DUSP22: variants seen among roughly 807,000 people sequenced by gnomAD.
DUSP22 encodes the protein dual specificity protein phosphatase 22.
In DUSP22, 24 loss-of-function variants were observed where a neutral mutation model predicts 24.5. The ratio of observed to expected loss-of-function variants is 0.98; its 90% CI spans 0.71 to 1.38. The LOEUF (loss-of-function observed/expected upper bound fraction) is 1.38. Among genes scored for constraint, DUSP22 ranks in the 40% most tolerant of loss-of-function variants. The pLI, the probability that DUSP22 is intolerant of heterozygous loss-of-function variation, is 0.00. For missense variants in DUSP22, 330 were observed against 269.2 expected (o/e 1.23, Z -1.58); for synonymous variants, 160 against 106.4 (o/e 1.50, Z -3.10).
chr6:350,500 A>T lies in DUSP22; in HGVS notation c.*1549A>T. On this transcript the variant is annotated 3_prime_UTR_variant, in exon 7 of 7. Coordinates refer to ENST00000419235, the MANE Select transcript of DUSP22 (RefSeq NM_001286555.3). ...AATAAGAAGAGCAGTTTTCCTGTGC[A>T]TATAGAGGGTGTGTCAAAGGTGAGC... 1 of 1,265,018 alleles carries T rather than the reference A, an allele frequency of 7.9e-7. No homozygotes were observed. Among genetic ancestry groups the T allele is most frequent in the Non-Finnish European group, 1.0e-6 (1 of 1,000,630 alleles). 78.4% of individuals were successfully genotyped at this position (1,265,018 alleles called of 1,614,324 possible). A position where few individuals can be genotyped will look rare whatever the true frequency, so the allele number is the denominator to read the frequency against.
chr6:309,980 A>C (rs1757998861), intron 2 of DUSP22, among the ~76,000 whole-genome samples: 1 of 152,288 alleles, frequency 6.6e-6, no homozygotes, highest in Non-Finnish European at 1.5e-5. Context: ...GTTTTGCTTG[A>C]GATAGACTCT....
Position 350,509 on chromosome 6 carries a change from G to A in DUSP22, c.*1558G>A. On this transcript the variant is annotated 3_prime_UTR_variant, in exon 7 of 7. Transcript: ENST00000419235. ...AGCAGTTTTCCTGTGCATATAGAGG[G>A]TGTGTCAAAGGTGAGCTTTTTGGGG... The A allele has an allele frequency of 7.7e-7, 1 of 1,292,082 alleles. No homozygotes were observed. The highest frequency in any genetic ancestry group is 3.6e-5 in the Admixed American group (1 of 28,086). The allele number at this position is 1,292,082 out of a possible 1,614,324, so 80.0% of individuals were successfully genotyped here.
intron 1 of DUSP22, among the ~76,000 whole-genome samples, chr6:299,811 G>A (rs1339382959): frequency 4.6e-5 from 7 of 152,304 alleles, no homozygotes; most frequent in Non-Finnish European, 7.3e-5. Context: ...AGGTGTGGCC[G>A]GGCACCGTTT....
intron 3 of DUSP22, among the ~76,000 whole-genome samples, chr6:322,673 G>A (rs1189358301): frequency 6.6e-6 from 1 of 152,300 alleles, no homozygotes; most frequent in Non-Finnish European, 1.5e-5. Flanking sequence ...GAATATCCGT[G>A]GAGAGCATCC....
chr6:308,756 C>T (rs1284672460), intron 2 of DUSP22, among the ~76,000 whole-genome samples: 1 of 152,302 alleles, frequency 6.6e-6, no homozygotes, highest in East Asian at 1.9e-4. Context: ...GAATCATATA[C>T]TTGATCAGGG....
At chr6:325,162 T>C (rs1758801171) in intron 3 of DUSP22, 1 of 204,992 alleles carries the variant, frequency 4.9e-6, no homozygotes, top group Non-Finnish European at 9.7e-6. Context: ...CGTCCTGGTG[T>C]GTGCAGTGCT....
At chr6:346,542 T>G (rs1347690908) in intron 5 of DUSP22, among the ~76,000 whole-genome samples, 2 of 152,300 alleles carry the variant, frequency 1.3e-5, no homozygotes, top group African/African-American at 4.8e-5. Context: ...CATAGAGAGT[T>G]CTTAGTGAAA....
At chr6:348,734 G>C in intron 6 of DUSP22, 35 bp from the exon 7 acceptor site, 1 of 1,613,696 alleles carries the variant, frequency 6.2e-7, no homozygotes, top group Non-Finnish European at 8.5e-7. Context: ...GTGCACATGT[G>C]TGTGACGTTT....
chr6:350,359 C>T lies in DUSP22; in HGVS notation c.*1408C>T. On this transcript the variant is annotated 3_prime_UTR_variant, in exon 7 of 7. Coordinates refer to ENST00000419235, the MANE Select transcript of DUSP22 (RefSeq NM_001286555.3). ...CAATTCAGTGGTCTAGTCCTTTATA[C>T]CGACTCAGATTCCTTAAGCATGCAG... The T allele has an allele frequency of 1.9e-6, 2 of 1,059,526 alleles. No individual in the cohort carries two copies. Among genetic ancestry groups the T allele is most frequent in the Non-Finnish European group, 2.3e-6 (2 of 875,538 alleles). 65.6% of individuals were successfully genotyped at this position (1,059,526 alleles called of 1,614,324 possible).
intron 3 of DUSP22, among the ~76,000 whole-genome samples, chr6:333,303 C>T (rs191086414): frequency 6.6e-6 from 1 of 152,422 alleles, no homozygotes; most frequent in East Asian, 1.9e-4. Context: ...GGTTGAAGCC[C>T]ATTTGGTCTT....
chr6:306,780 T>C (rs1171094552), intron 2 of DUSP22, among the ~76,000 whole-genome samples: 1 of 152,306 alleles, frequency 6.6e-6, no homozygotes, highest in Non-Finnish European at 1.5e-5. Flanking sequence ...TGTGGACCAG[T>C]GTCCCTGCCC....
At chr6:326,836 T>C (rs974099243) in intron 3 of DUSP22, among the ~76,000 whole-genome samples, 13 of 152,308 alleles carry the variant, frequency 8.5e-5, no homozygotes, top group Non-Finnish European at 1.5e-4. Context: ...TTAAGAATGC[T>C]GCAATTCTAA....
chr6:302,871 G>T (rs771385789), intron 1 of DUSP22, among the ~76,000 whole-genome samples: 4 of 152,306 alleles, frequency 2.6e-5, no homozygotes, highest in Non-Finnish European at 5.9e-5. Flanking sequence ...GGCAGGGTGA[G>T]GGAGTGGGTG....
At chr6:318,990 G>A (rs1015925821) in intron 3 of DUSP22, among the ~76,000 whole-genome samples, 1 of 152,296 alleles carries the variant, frequency 6.6e-6, no homozygotes, top group Non-Finnish European at 1.5e-5. Flanking sequence ...AAAGTCAATG[G>A]TGTATTTCTG....
chr6:345,598 T>TTGAATGTTATCACTACAAAGTGA (rs1277489195), intron 4 of DUSP22, among the ~76,000 whole-genome samples: 1 of 152,310 alleles, frequency 6.6e-6, no homozygotes, highest in Non-Finnish European at 1.5e-5. Context: ...AGAGAAGCTT[T>TTGAATGTTATCACTACAAAGTGA]TGAATGTTAT....
chr6:345,878 T>C lies in DUSP22; in HGVS notation c.213T>C (p.Ile71=). The C allele has an allele frequency of 6.2e-7, 1 of 1,614,272 alleles. No individual in the cohort carries two copies. The highest frequency in any genetic ancestry group is 8.5e-7 in the Non-Finnish European group (1 of 1,180,024). The change falls in exon 5 of 7, where the codon ATT becomes ATC. Residue 71 remains isoleucine, a synonymous_variant. Transcript: ENST00000419235. ...QNLTRHFKES[I]KFIHECRLRG... is the part of the protein sequence containing the mutation. ...GGACAAGACATTTCAAAGAAAGTAT[T>C]AAATTCATTCACGAGTGCCGGCTCC...
intron 1 of DUSP22, among the ~76,000 whole-genome samples, chr6:297,755 A>T (rs1214510611): frequency 6.6e-6 from 1 of 152,304 alleles, no homozygotes; most frequent in Non-Finnish European, 1.5e-5. Context: ...CAAAAGGTGG[A>T]GTAGGGCTTA....
At chr6:298,221 T>A (rs1386081438) in intron 1 of DUSP22, among the ~76,000 whole-genome samples, 1 of 152,312 alleles carries the variant, frequency 6.6e-6, no homozygotes, top group Non-Finnish European at 1.5e-5. Context: ...ATTCTCATAT[T>A]CTTCCCTTTT....
At chr6:330,040 G>T (rs1439840407) in intron 3 of DUSP22, among the ~76,000 whole-genome samples, 2 of 152,294 alleles carry the variant, frequency 1.3e-5, no homozygotes, top group South Asian at 4.1e-4. Context: ...CAGAGTGTGT[G>T]TACAGGGGCC....
Sources: allele counts gnomAD v4.1 joint callset (sites outside exome capture counted in the v4.1 genomes callset), GRCh38; gene constraint gnomAD v4.1.1; transcripts MANE v1.5; gene names NCBI Gene and HGNC (gene_info 2026-07-23, HGNC 2026-07-21).